ZFAT: variants seen among roughly 807,000 people sequenced by gnomAD.
ZFAT encodes zinc finger protein ZFAT.
In ZFAT, 64 loss-of-function variants were observed where a neutral mutation model predicts 117.7. The observed-to-expected ratio is 0.54, with a 90% CI of 0.44 to 0.67. The LOEUF is 0.67. Among genes scored for constraint, ZFAT ranks in the 30% least tolerant of loss-of-function variants. The probability of loss-of-function intolerance (pLI) is 0.00; values close to 1 mark genes in which losing one functional copy is unlikely to be tolerated. For missense variants in ZFAT, 1,433 were observed against 1,584.5 expected, an observed-to-expected ratio of 0.90 and a Z score of 1.62; for synonymous variants, 679 against 615.0, an observed-to-expected ratio of 1.10 and a Z score of -1.54.
At chr8:134,831,800 G>C in the ZFAT span, among the ~76,000 whole-genome samples, 4 of 152,052 alleles carry the variant, frequency 2.6e-5, no homozygotes, top group South Asian at 8.3e-4. Context: ...CCACGACTCG[G>C]ACGCCCGACC....
chr8:134,660,007 ATTAT>A (rs1462150521), intron 1 of ZFAT, among the ~76,000 whole-genome samples: 22 of 152,196 alleles, frequency 1.4e-4, no homozygotes, highest in African/African-American at 5.3e-4. Flanking sequence ...GCCAATCGAT[ATTAT>A]TTTTTTCCAG....
At chr8:134,757,736 G>A in the ZFAT span, among the ~76,000 whole-genome samples, 1 of 152,198 alleles carries the variant, frequency 6.6e-6, no homozygotes, top group Non-Finnish European at 1.5e-5. Context: ...ATCCCATCCT[G>A]TTTTGCTGGG....
chr8:134,764,303 C>T, the ZFAT span, among the ~76,000 whole-genome samples: 1 of 152,170 alleles, frequency 6.6e-6, no homozygotes, highest in South Asian at 2.1e-4. Context: ...CATGTAGCTC[C>T]TCTAGGCTTC....
the ZFAT span, among the ~76,000 whole-genome samples, chr8:134,817,921 G>C: frequency 6.6e-6 from 1 of 152,054 alleles, no homozygotes; most frequent in African/African-American, 2.4e-5. Flanking sequence ...GAATTCAATA[G>C]AAAAAGGATA....
rs1279730246 is a variant in ZFAT, at chr8:134,478,578, C to T, written c.3636G>A (p.Thr1212=). 7.5e-6 allele frequency: 12 copies of T among 1,594,018 alleles called. No homozygotes were observed. The highest frequency in any genetic ancestry group is 1.0e-5 in the Non-Finnish European group (12 of 1,170,822). The change falls in exon 16 of 16, where the codon ACG becomes ACA. Residue 1212 remains threonine, a synonymous_variant. Coordinates refer to ENST00000377838, the MANE Select transcript of ZFAT (RefSeq NM_020863.4). The surrounding 1 kb of genome is among the most constrained non-coding windows in gnomAD (Gnocchi z 5.2). The part of the protein sequence containing the change: ...VEGIETVTVY[T]QGGEASEFIV... ...TGAACTCCGAGGCCTCCCCGCCCTGCGTGTAGACAGTCACCGTCTCAATGC... is the reference window on the plus strand; with the variant it reads ...TGAACTCCGAGGCCTCCCCGCCCTGTGTGTAGACAGTCACCGTCTCAATGC...
chr8:134,499,825 G>A (rs1240940610), intron 15 of ZFAT, among the ~76,000 whole-genome samples: 1 of 152,190 alleles, frequency 6.6e-6, no homozygotes, highest in East Asian at 1.9e-4. Flanking sequence ...TGTGAAGCAG[G>A]AGGCCACCAC....
chr8:134,646,241 T>C (rs1830885440), intron 2 of ZFAT, among the ~76,000 whole-genome samples: 1 of 151,966 alleles, frequency 6.6e-6, no homozygotes, highest in Admixed American at 6.5e-5. Flanking sequence ...TTCAAGTATG[T>C]GGAATTAAAT....
chr8:134,784,525 G>T, the ZFAT span: 1 of 151,674 alleles, frequency 6.6e-6, no homozygotes. Flanking sequence ...ACAATCTAGC[G>T]AACATAAAAA....
At chr8:134,526,214 A>C (rs1487553073) in intron 12 of ZFAT, among the ~76,000 whole-genome samples, 1 of 152,218 alleles carries the variant, frequency 6.6e-6, no homozygotes, top group Non-Finnish European at 1.5e-5. Flanking sequence ...AAACATTCTT[A>C]TATTATATTT....
At chr8:134,782,622 T>A in the ZFAT span, among the ~76,000 whole-genome samples, 3 of 152,282 alleles carry the variant, frequency 2.0e-5, no homozygotes, top group Non-Finnish European at 2.9e-5. Context: ...ACTGTTCTCA[T>A]GGTAGTGAAT....
intron 5 of ZFAT, among the ~76,000 whole-genome samples, 178 bp from the exon 6 acceptor site, chr8:134,603,111 C>G (rs921695258): frequency 1.3e-5 from 2 of 152,096 alleles, no homozygotes; most frequent in African/African-American, 4.8e-5. Flanking sequence ...GTGCCATGGT[C>G]CTTCAGGAGC....
Position 134,567,500 on chromosome 8 carries a change from A to C in ZFAT, c.2888-2079T>G, listed in dbSNP as rs554487694. Among the ~76,000 whole-genome samples the C allele has an allele frequency of 1.0e-4, 15 of 149,962 alleles. No individual in the cohort carries two copies. In the East Asian group the frequency reaches 1.2e-3, roughly 12 times the overall value. ...CCATCCATCCATCCATCCATCCATCAACCATAATCCACCCATCTATCCACA... is the reference window on the plus strand; with the variant it reads ...CCATCCATCCATCCATCCATCCATCCACCATAATCCACCCATCTATCCACA... On this transcript the variant is annotated intron_variant, in intron 10 of 15. Coordinates refer to ENST00000377838, the MANE Select transcript of ZFAT (RefSeq NM_020863.4).
intron 1 of ZFAT, among the ~76,000 whole-genome samples, chr8:134,690,580 A>G (rs947420537): frequency 6.6e-6 from 1 of 152,232 alleles, no homozygotes; most frequent in Admixed American, 6.5e-5. Context: ...ATCCTGAAGA[A>G]TGAACTTCCC....
intron 10 of ZFAT, among the ~76,000 whole-genome samples, chr8:134,574,044 T>C (rs1203655446): frequency 1.3e-5 from 2 of 152,232 alleles, no homozygotes; most frequent in Non-Finnish European, 2.9e-5. Context: ...GAATACTTGT[T>C]ATCCTAGCTC....
chr8:134,669,589 C>T (rs543988971), intron 1 of ZFAT, among the ~76,000 whole-genome samples: 1 of 152,256 alleles, frequency 6.6e-6, no homozygotes, highest in East Asian at 1.9e-4. Flanking sequence ...CCCTACAAGA[C>T]CTCCTGAAGG....
Position 134,712,885 on chromosome 8 carries a change from A to T in ZFAT, c.-22T>A. The T allele has an allele frequency of 1.5e-6, 2 of 1,364,040 alleles. No homozygotes were observed. The highest frequency in any genetic ancestry group is 1.9e-6 in the Non-Finnish European group (2 of 1,046,364). 84.5% of individuals were successfully genotyped at this position (1,364,040 alleles called of 1,614,324 possible). Reference sequence around the variant, plus strand: ...CCATGGCAACGCCCCACCGCGGAGGAAAAAAAAGCCTCGGGCTCTTCCGGG... The same window carrying T: ...CCATGGCAACGCCCCACCGCGGAGGTAAAAAAAGCCTCGGGCTCTTCCGGG... On this transcript the variant is annotated 5_prime_UTR_variant, in exon 1 of 16. Coordinates refer to ENST00000377838, the MANE Select transcript of ZFAT (RefSeq NM_020863.4).
At chr8:134,491,940 A>T (rs1443198861) in intron 15 of ZFAT, among the ~76,000 whole-genome samples, 2 of 152,060 alleles carry the variant, frequency 1.3e-5, no homozygotes, top group Non-Finnish European at 2.9e-5. Context: ...TAAAATACTC[A>T]ATTTTTTATT....
At chr8:134,628,757 C>T (rs1398097916) in intron 3 of ZFAT, among the ~76,000 whole-genome samples, 6 of 152,158 alleles carry the variant, frequency 3.9e-5, no homozygotes, top group Non-Finnish European at 8.8e-5. Context: ...TACAGGGTGA[C>T]ACTGGATAGG....
intron 7 of ZFAT, among the ~76,000 whole-genome samples, chr8:134,591,742 G>A (rs1191873614): frequency 6.6e-6 from 1 of 152,164 alleles, no homozygotes; most frequent in Non-Finnish European, 1.5e-5. Flanking sequence ...GATGGAGGCA[G>A]AGACCAGAGC....
Sources: allele counts gnomAD v4.1 joint callset (sites outside exome capture counted in the v4.1 genomes callset), GRCh38; gene constraint gnomAD v4.1.1; non-coding constraint Gnocchi (gnomAD v3.1); transcripts MANE v1.5; gene names NCBI Gene and HGNC (gene_info 2026-07-23, HGNC 2026-07-21).